Variants in MAP3K4 observed in about 807,000 individuals in gnomAD.
The protein encoded by MAP3K4 is MAP three kinase 1.
In MAP3K4, 67 loss-of-function variants were observed where a neutral mutation model predicts 185.6. The ratio of observed to expected loss-of-function variants is 0.36; its 90% confidence interval spans 0.30 to 0.44. The LOEUF (loss-of-function observed/expected upper bound fraction) is 0.44. MAP3K4 is among the 20% of genes least tolerant of loss of function. The probability of loss-of-function intolerance (pLI) is 1.00; values close to 1 mark genes in which losing one functional copy is unlikely to be tolerated. For missense variants in MAP3K4, 1,551 were observed against 1,995.1 expected (o/e 0.78, Z 4.24); for synonymous variants, 702 against 710.4 (o/e 0.99, Z 0.19).
intron 1 of MAP3K4, among the ~76,000 whole-genome samples, chr6:161,014,505 AG>A (rs1781990787): frequency 6.6e-6 from 1 of 152,246 alleles, no homozygotes; most frequent in Non-Finnish European, 1.5e-5. Flanking sequence ...TGTTCCATAT[AG>A]TTTCCAAATT....
At chr6:161,019,701 C>T (rs1782287651) in intron 1 of MAP3K4, among the ~76,000 whole-genome samples, 1 of 152,098 alleles carries the variant, frequency 6.6e-6, no homozygotes, top group Non-Finnish European at 1.5e-5. Context: ...GAGCTGTGGA[C>T]CACGCCCAGC....
In MAP3K4 at chr6:161,084,714, G is replaced by C; in HGVS notation, c.2372+97G>C. ...AGGAGCCTTGTTCAAACCAAATTGT[G>C]TTGGCCTGGAAGAATTTGGGCAGTA... On this transcript the variant is annotated intron_variant, in intron 7 of 26. Transcript: ENST00000392142. This position sits in a 1 kb window ranked among gnomAD's most constrained non-coding sequence, Gnocchi z 4.6. 1.5e-6 allele frequency: 1 copy of C among 658,828 alleles called. No individual in the cohort carries two copies. The highest frequency in any genetic ancestry group is 2.7e-6 in the Non-Finnish European group (1 of 364,962). The allele number at this position is 658,828 out of a possible 1,614,324, so 40.8% of individuals were successfully genotyped here.
At chr6:161,020,680 AAG>A (rs1186428300) in intron 1 of MAP3K4, among the ~76,000 whole-genome samples, 1 of 151,338 alleles carries the variant, frequency 6.6e-6, no homozygotes, top group Non-Finnish European at 1.5e-5. Flanking sequence ...AAAAACAAGA[AAG>A]AGAAAAATGC....
chr6:161,041,477 C>T (rs1402079196), intron 2 of MAP3K4, among the ~76,000 whole-genome samples: 2 of 152,226 alleles, frequency 1.3e-5, no homozygotes, highest in African/African-American at 2.4e-5. Context: ...ATTTGCAGGG[C>T]TGTCGCATGG....
rs1174952645 is a variant in MAP3K4, at chr6:161,054,719, T to C, written c.1707+4740T>C. Among the ~76,000 whole-genome samples the C allele has an allele frequency of 6.6e-6, 1 of 152,206 alleles. No individual in the cohort carries two copies. The highest frequency in any genetic ancestry group is 2.4e-5 in the African/African-American group (1 of 41,452). ...TCCAGAGTCCACTTGAATAGGCAGT[T>C]GTTTGGGATCTTGAAAATACTTATC... On this transcript the variant is annotated intron_variant, in intron 3 of 26. Transcript: ENST00000392142. The surrounding 1 kb of genome is among the most constrained non-coding windows in gnomAD (Gnocchi z 4.2).
chr6:161,088,087 C>A lies in MAP3K4; in HGVS notation c.2823+133C>A. Reference sequence around the variant, plus strand: ...GTATATACTTCCCAAAAATATGCCTCAATGTGTTAATAGGTCATTTTGCAG... The same window carrying A: ...GTATATACTTCCCAAAAATATGCCTAAATGTGTTAATAGGTCATTTTGCAG... On this transcript the variant is annotated intron_variant, in intron 10 of 26. Coordinates refer to ENST00000392142, the MANE Select transcript of MAP3K4 (RefSeq NM_005922.4). The surrounding 1 kb of genome is among the most constrained non-coding windows in gnomAD (Gnocchi z 4.5). 1.2e-6 allele frequency: 1 copy of A among 827,934 alleles called. No homozygotes were observed. Among genetic ancestry groups the A allele is most frequent in the Non-Finnish European group, 1.8e-6 (1 of 549,096 alleles). The allele number at this position is 827,934 out of a possible 1,614,324, so 51.3% of individuals were successfully genotyped here. A position where few individuals can be genotyped will look rare whatever the true frequency, so the allele number is the denominator to read the frequency against.
rs1345685613 is a variant in MAP3K4, at chr6:161,084,240, CATAGCTACT to C, written c.2256-258_2256-250del. 6.6e-6 allele frequency among the ~76,000 whole-genome samples: 1 copy of C among 152,132 alleles called. No homozygotes were observed. The highest frequency in any genetic ancestry group is 1.5e-5 in the Non-Finnish European group (1 of 68,028). On this transcript the variant is annotated intron_variant, in intron 6 of 26. Coordinates refer to ENST00000392142, the MANE Select transcript of MAP3K4 (RefSeq NM_005922.4). This position sits in a 1 kb window ranked among gnomAD's most constrained non-coding sequence, Gnocchi z 4.6. ...GGAAATAACATTTGTGTACTAATTC[CATAGCTACT>C]ATGAATACAGTTTAAGATTTTAAGG...
chr6:161,094,430 G>C (rs1220609338), intron 15 of MAP3K4, among the ~76,000 whole-genome samples: 2 of 152,152 alleles, frequency 1.3e-5, no homozygotes, highest in African/African-American at 4.8e-5. Flanking sequence ...CAGTAACAAT[G>C]AATGATTAAC....
intron 5 of MAP3K4, among the ~76,000 whole-genome samples, chr6:161,079,316 G>C (rs148018298): frequency 6.6e-6 from 1 of 151,624 alleles, no homozygotes; most frequent in East Asian, 2.0e-4. Flanking sequence ...AGTGGTTCAC[G>C]CCTGTAATCC....
chr6:161,075,333 T>G lies in MAP3K4; in HGVS notation c.2097+1721T>G, dbSNP rs1785122329. 6.6e-6 allele frequency among the ~76,000 whole-genome samples: 1 copy of G among 152,054 alleles called. No homozygotes were observed. Among genetic ancestry groups the G allele is most frequent in the African/African-American group, 2.4e-5 (1 of 41,396 alleles). On this transcript the variant is annotated intron_variant, in intron 5 of 26. Transcript: ENST00000392142. The surrounding 1 kb of genome is among the most constrained non-coding windows in gnomAD (Gnocchi z 4.3). ...CCACACCTGGCTAATTTTTAAAAAT[T>G]TTTTTGTAGAGTCAGGGTCTCACTA...
chr6:161,048,826 A>G lies in MAP3K4; in HGVS notation c.554A>G (p.Asn185Ser), dbSNP rs980552320. 9.9e-6 allele frequency: 16 copies of G among 1,614,180 alleles called. No homozygotes were observed. Among genetic ancestry groups the G allele is most frequent in the East Asian group, 2.2e-5 (1 of 44,884 alleles). Reference sequence around the variant, plus strand: ...AAATCAATTCCAGATGTGGATCTCAATAAGCCTTACCTCAGCCTTGGCTGT... The same window carrying G: ...AAATCAATTCCAGATGTGGATCTCAGTAAGCCTTACCTCAGCCTTGGCTGT... ...PKKSIPDVDL[N>S]KPYLSLGCSN... Residue 185 changes from asparagine (N) to serine (S), a missense_variant, in exon 3 of 27, where the codon AAT becomes AGT. Physicochemically the swap from Asn to Ser is conservative, Grantham distance 46. Transcript: ENST00000392142. This position sits in a 1 kb window ranked among gnomAD's most constrained non-coding sequence, Gnocchi z 4.7.
In MAP3K4 at chr6:161,073,365, G is replaced by C; in HGVS notation, c.1951-101G>C. On this transcript the variant is annotated intron_variant, in intron 4 of 26. Transcript: ENST00000392142. This position sits in a 1 kb window ranked among gnomAD's most constrained non-coding sequence, Gnocchi z 4.2. Reference sequence around the variant, plus strand: ...CTATTGTAGGTTTTTTAGAGGCAAGGTTCCCTCTGAGTTTTTTGAAGATTT... The same window carrying C: ...CTATTGTAGGTTTTTTAGAGGCAAGCTTCCCTCTGAGTTTTTTGAAGATTT... The C allele has an allele frequency of 2.5e-6, 3 of 1,188,770 alleles. No homozygotes were observed. Among genetic ancestry groups the C allele is most frequent in the Non-Finnish European group, 2.3e-6 (2 of 875,800 alleles). 73.6% of individuals were successfully genotyped at this position (1,188,770 alleles called of 1,614,324 possible). A position where few individuals can be genotyped will look rare whatever the true frequency, so the allele number is the denominator to read the frequency against.
In MAP3K4 at chr6:161,109,621, C is replaced by T. The variant is rs1778257571; in HGVS notation, c.4237-134C>T. ...ACTGTTGTGAGACACATTCAGTGCTCAGGATGGCAAGTGTAGTATACCGTT... is the reference window on the plus strand; with the variant it reads ...ACTGTTGTGAGACACATTCAGTGCTTAGGATGGCAAGTGTAGTATACCGTT... On this transcript the variant is annotated intron_variant, in intron 22 of 26. Coordinates refer to ENST00000392142, the MANE Select transcript of MAP3K4 (RefSeq NM_005922.4). The surrounding 1 kb of genome is among the most constrained non-coding windows in gnomAD (Gnocchi z 5.7). The T allele has an allele frequency of 2.4e-6, 2 of 848,304 alleles. No individual in the cohort carries two copies. The highest frequency in any genetic ancestry group is 2.6e-5 in the East Asian group (1 of 38,976). The allele number at this position is 848,304 out of a possible 1,614,324, so 52.5% of individuals were successfully genotyped here. A position where few individuals can be genotyped will look rare whatever the true frequency, so the allele number is the denominator to read the frequency against.
At chr6:161,035,242 A>G (rs998020014) in intron 2 of MAP3K4, among the ~76,000 whole-genome samples, 2 of 152,274 alleles carry the variant, frequency 1.3e-5, no homozygotes, top group Admixed American at 6.5e-5. Flanking sequence ...TTATTCAGCT[A>G]TTACTGCATG....
At position 161,086,262 on chromosome 6, in the gene MAP3K4, C is replaced by G. The variant is rs1203918900; in HGVS notation, c.2373-117C>G. 2 of 559,100 alleles carry G rather than the reference C, an allele frequency of 3.6e-6. No individual in the cohort carries two copies. Among genetic ancestry groups the G allele is most frequent in the African/African-American group, 3.8e-5 (2 of 53,178 alleles). 34.6% of individuals were successfully genotyped at this position (559,100 alleles called of 1,614,324 possible). A position where few individuals can be genotyped will look rare whatever the true frequency, so the allele number is the denominator to read the frequency against. Reference sequence around the variant, plus strand: ...ATAGTTTGTTCCCATTTAAAAAATCCTCAGTCTTTATTTATTACTGTGATT... The same window carrying G: ...ATAGTTTGTTCCCATTTAAAAAATCGTCAGTCTTTATTTATTACTGTGATT... On this transcript the variant is annotated intron_variant, in intron 7 of 26. Transcript: ENST00000392142. This position sits in a 1 kb window ranked among gnomAD's most constrained non-coding sequence, Gnocchi z 4.8.
intron 15 of MAP3K4, among the ~76,000 whole-genome samples, chr6:161,094,147 T>A: frequency 6.6e-6 from 1 of 152,238 alleles, no homozygotes; most frequent in East Asian, 1.9e-4. Flanking sequence ...TACCATCTTT[T>A]CTGATGGGGA....
rs564046354 is a variant in MAP3K4 at position 161,064,200 on chromosome 6, T to G, written c.1708-6408T>G. On this transcript the variant is annotated intron_variant, in intron 3 of 26. Coordinates refer to ENST00000392142, the MANE Select transcript of MAP3K4 (RefSeq NM_005922.4). This position sits in a 1 kb window ranked among gnomAD's most constrained non-coding sequence, Gnocchi z 4.3. ...TATATAGTTTAACCTAATGCAGAGC[T>G]CTATCTTTAGATTTTACTACATTGG... Among the ~76,000 whole-genome samples, 2 of 152,348 alleles carry G rather than the reference T, an allele frequency of 1.3e-5. No homozygotes were observed. Among genetic ancestry groups the G allele is most frequent in the East Asian group, 3.9e-4 (2 of 5,184 alleles).
chr6:161,108,091 G>A lies in MAP3K4; in HGVS notation c.4119+122G>A, dbSNP rs961594587. 28 of 761,332 alleles carry A rather than the reference G, an allele frequency of 3.7e-5. No homozygotes were observed. Among genetic ancestry groups the A allele is most frequent in the Non-Finnish European group, 5.5e-5 (26 of 469,436 alleles). The allele number at this position is 761,332 out of a possible 1,614,324, so 47.2% of individuals were successfully genotyped here. ...GAGCTGTCTTCAGCACCAGCACTGC[G>A]ACAGTCAGGACCAACCAGGCAGATG... On this transcript the variant is annotated intron_variant, in intron 21 of 26. Coordinates refer to ENST00000392142, the MANE Select transcript of MAP3K4 (RefSeq NM_005922.4). The surrounding 1 kb of genome is among the most constrained non-coding windows in gnomAD (Gnocchi z 5.7).
rs532818541 is a variant in MAP3K4, at chr6:161,117,078, A to C, written c.*208A>C. 7.1e-5 allele frequency: 42 copies of C among 595,260 alleles called. No homozygotes were observed. Among genetic ancestry groups the C allele is most frequent in the South Asian group, 6.4e-4 (31 of 48,238 alleles). 36.9% of individuals were successfully genotyped at this position (595,260 alleles called of 1,614,324 possible). A position where few individuals can be genotyped will look rare whatever the true frequency, so the allele number is the denominator to read the frequency against. On this transcript the variant is annotated 3_prime_UTR_variant, in exon 27 of 27. Coordinates refer to ENST00000392142, the MANE Select transcript of MAP3K4 (RefSeq NM_005922.4). The stretch of plus-strand genomic sequence containing the variant: ...AGGGCTGGTGGCCACGAGGTTAAAG[A>C]AGCTGCATGTTAAGTGCCATTACTA...
Sources: allele counts gnomAD v4.1 joint callset (sites outside exome capture counted in the v4.1 genomes callset), GRCh38; gene constraint gnomAD v4.1.1; non-coding constraint Gnocchi (gnomAD v3.1); transcripts MANE v1.5; gene names NCBI Gene and HGNC (gene_info 2026-07-23, HGNC 2026-07-21).